The following AFDN variants were observed in gnomAD, a reference collection of about 807,000 sequenced individuals.
AFDN encodes the protein afadin, adherens junction formation factor.
AFDN carries 68 observed loss-of-function variants against 216.6 expected under a neutral mutation model. The observed-to-expected ratio is 0.31, with a 90% CI of 0.26 to 0.38. The LOEUF (loss-of-function observed/expected upper bound fraction) is 0.38, where lower values mean the gene tolerates loss of function less well. AFDN is among the 10% of genes least tolerant of loss of function. AFDN has a pLI of 1.00. For synonymous variants in AFDN, 868 were observed against 853.7 expected, an observed-to-expected ratio of 1.02 and a Z score of -0.29; for missense variants, 2,136 against 2,342.0, an observed-to-expected ratio of 0.91 and a Z score of 1.82.
chr6:167,889,380 G>A, intron 7 of AFDN, 54 bp downstream of exon 7: 2 of 1,206,648 alleles, frequency 1.7e-6, no homozygotes, highest in Non-Finnish European at 2.5e-6. Flanking sequence ...GATATACCAG[G>A]TGTTCACCTT....
At chr6:167,836,544 C>G (rs748873663) in intron 1 of AFDN, among the ~76,000 whole-genome samples, 5 of 152,080 alleles carry the variant, frequency 3.3e-5, no homozygotes, top group African/African-American at 1.2e-4. Flanking sequence ...TAAAAAAATA[C>G]GTGTAGTAAA....
chr6:167,963,573 G>A (rs764557249), intron 31 of AFDN: 7 of 1,058,196 alleles, frequency 6.6e-6, no homozygotes, highest in Non-Finnish European at 8.0e-6. Flanking sequence ...TGATAGACAT[G>A]ATGTGACTTC....
At chr6:167,867,629 C>T (rs1054120769) in intron 2 of AFDN, among the ~76,000 whole-genome samples, 1 of 152,044 alleles carries the variant, frequency 6.6e-6, no homozygotes, top group Non-Finnish European at 1.5e-5. Flanking sequence ...GACAGGGTTT[C>T]ACTGTGTTGG....
At chr6:167,919,933 T>C (rs1421629307) in intron 21 of AFDN, among the ~76,000 whole-genome samples, 1 of 152,218 alleles carries the variant, frequency 6.6e-6, no homozygotes, top group Non-Finnish European at 1.5e-5. Flanking sequence ...TTTCAGTGAA[T>C]GTTTCACTCC....
Position 167,898,282 on chromosome 6 carries a change from T to C in AFDN, c.1395T>C (p.Ser465=). 6.2e-7 allele frequency: 1 copy of C among 1,614,064 alleles called. No homozygotes were observed. The highest frequency in any genetic ancestry group is 8.5e-7 in the Non-Finnish European group (1 of 1,180,006). Residue 465 remains serine, a synonymous_variant, in exon 11 of 34, where the codon AGT becomes AGC. Transcript: ENST00000683244. ...MDGVVTVTPR[S]MDAETYVEGQ... is the part of the protein sequence containing the mutation. ...GAGTGGTCACTGTGACGCCCAGAAG[T>C]ATGGACGCAGAAACCTACGTGGAAG...
chr6:167,954,568 A>G (rs1262165244), intron 30 of AFDN: 3 of 1,367,652 alleles, frequency 2.2e-6, no homozygotes, highest in African/African-American at 1.5e-5. Flanking sequence ...TGGCTGTTTG[A>G]TGTTTTCAGT....
intron 17 of AFDN, 45 bp from the exon 18 acceptor site, chr6:167,914,599 C>T: frequency 7.5e-7 from 1 of 1,332,228 alleles, no homozygotes; most frequent in Non-Finnish European, 1.1e-6. Context: ...CTGACAATAG[C>T]TGTCTGTCAT....
At chr6:167,833,682 T>C (rs1780076599) in intron 1 of AFDN, among the ~76,000 whole-genome samples, 1 of 152,200 alleles carries the variant, frequency 6.6e-6, no homozygotes, top group Non-Finnish European at 1.5e-5. Flanking sequence ...AACCAGCTTT[T>C]GGTACTGAGC....
chr6:167,942,906 ATTAACTTC>A (rs1160360568), intron 23 of AFDN, among the ~76,000 whole-genome samples: 1 of 152,214 alleles, frequency 6.6e-6, no homozygotes, highest in Non-Finnish European at 1.5e-5. Context: ...CTATTCTTAA[ATTAACTTC>A]AGGATTCCAA....
intron 31 of AFDN, chr6:167,965,078 A>G: frequency 9.7e-7 from 1 of 1,032,046 alleles, no homozygotes; most frequent in South Asian, 4.6e-5. Flanking sequence ...GGAGTTTCTT[A>G]AGATTTGAAA....
chr6:167,884,007 A>G (rs2128309119), intron 6 of AFDN, among the ~76,000 whole-genome samples: 1 of 152,344 alleles, frequency 6.6e-6, no homozygotes, highest in South Asian at 2.1e-4. Context: ...AGTTTATATA[A>G]TATTTGAAAT....
chr6:167,949,857 T>C (rs201870328), intron 29 of AFDN, among the ~76,000 whole-genome samples: 1 of 137,904 alleles, frequency 7.3e-6, no homozygotes, highest in Non-Finnish European at 1.6e-5. Flanking sequence ...CTACCTCACA[T>C]GGATAAACAA....
chr6:167,857,601 G>T (rs939154998), intron 1 of AFDN, among the ~76,000 whole-genome samples: 3 of 151,480 alleles, frequency 2.0e-5, no homozygotes, highest in Non-Finnish European at 4.4e-5. Context: ...GATGAGAGGG[G>T]GATTACATTT....
chr6:167,971,492 G>C lies in AFDN; in HGVS notation c.*1557G>C. The stretch of plus-strand genomic sequence containing the variant: ...GTGCTCTTACCATTTCCTTGTTTGA[G>C]TAAGAGAGTGAATGGTTCTGAGTGT... On this transcript the variant is annotated 3_prime_UTR_variant, in exon 34 of 34. Transcript: ENST00000683244. 5.1e-6 allele frequency: 1 copy of C among 194,766 alleles called. No homozygotes were observed. The allele number at this position is 194,766 out of a possible 1,614,324, so 12.1% of individuals were successfully genotyped here.
At chr6:167,860,159 C>CTTTTTTTTT (rs370176215) in intron 1 of AFDN, among the ~76,000 whole-genome samples, 9 of 79,404 alleles carry the variant, frequency 1.1e-4, no homozygotes, top group African/African-American at 4.3e-4. Flanking sequence ...TACAGCAATG[C>CTTTTTTTTT]TTTTTTTTTT....
chr6:167,868,277 A>G (rs1279040267), intron 2 of AFDN, among the ~76,000 whole-genome samples: 1 of 152,188 alleles, frequency 6.6e-6, no homozygotes, highest in Non-Finnish European at 1.5e-5. Context: ...TGAATGTGGT[A>G]GCATGTACCT....
At chr6:167,948,833 G>C (rs1795640037) in intron 29 of AFDN, among the ~76,000 whole-genome samples, 1 of 152,232 alleles carries the variant, frequency 6.6e-6, no homozygotes, top group Non-Finnish European at 1.5e-5. Context: ...AGGGAAATGA[G>C]ACAGACACAA....
intron 1 of AFDN, among the ~76,000 whole-genome samples, chr6:167,853,269 A>G (rs1025690265): frequency 1.3e-5 from 2 of 152,088 alleles, no homozygotes; most frequent in African/African-American, 4.8e-5. Context: ...GTATAAACAC[A>G]ACTACCTGTT....
At chr6:167,933,582 G>T (rs1030760575) in intron 23 of AFDN, among the ~76,000 whole-genome samples, 19 of 152,132 alleles carry the variant, frequency 1.2e-4, no homozygotes, top group Non-Finnish European at 1.3e-4. Context: ...TTCTTCCACG[G>T]AGATGCCAGA....
Sources: gnomAD v4.1 joint callset for allele counts (sites outside exome capture counted in the v4.1 genomes callset) on GRCh38, gnomAD v4.1.1 for gene constraint, MANE v1.5 for transcripts, NCBI Gene and HGNC (gene_info 2026-07-23, HGNC 2026-07-21) for gene names.